Variants in PLCB4 observed in about 807,000 individuals in gnomAD.
The protein encoded by PLCB4 is 1-phosphatidylinositol 4,5-bisphosphate phosphodiesterase beta-4.
In PLCB4, 77 loss-of-function variants were observed where a neutral mutation model predicts 178.8. The ratio of observed to expected loss-of-function variants is 0.43; its 90% CI spans 0.36 to 0.52. The LOEUF (loss-of-function observed/expected upper bound fraction) is 0.52, where lower values mean the gene tolerates loss of function less well. PLCB4 is among the 20% of genes least tolerant of loss of function. The pLI is 0.00. For missense variants in PLCB4, 1,024 were observed against 1,453.4 expected (o/e 0.70, Z 4.80); for synonymous variants, 496 against 490.8 (o/e 1.01, Z -0.14).
At chr20:9,153,505 G>A (rs369278965) in intron 2 of PLCB4, among the ~76,000 whole-genome samples, 2 of 152,146 alleles carry the variant, frequency 1.3e-5, no homozygotes, top group Non-Finnish European at 2.9e-5. Flanking sequence ...TGCCATGTAA[G>A]AAGTGCCTTT....
chr20:9,287,195 A>T (rs923740402), intron 3 of PLCB4, among the ~76,000 whole-genome samples: 1 of 152,088 alleles, frequency 6.6e-6, no homozygotes, highest in South Asian at 2.1e-4. Flanking sequence ...TCTGGAATAT[A>T]TGAGTTAGAA....
At chr20:9,458,275 C>T (rs1350359990) in intron 34 of PLCB4, among the ~76,000 whole-genome samples, 3 of 152,166 alleles carry the variant, frequency 2.0e-5, no homozygotes, top group African/African-American at 7.2e-5. Flanking sequence ...TTTTGTAGGG[C>T]ATGAACTCTA....
intron 3 of PLCB4, among the ~76,000 whole-genome samples, chr20:9,293,758 T>A (rs1241071221): frequency 6.6e-6 from 1 of 152,114 alleles, no homozygotes. Flanking sequence ...GTTTACCAGG[T>A]AGGGTGGTGA....
intron 35 of PLCB4, among the ~76,000 whole-genome samples, chr20:9,465,356 C>T (rs1327127780): frequency 6.6e-6 from 1 of 152,168 alleles, no homozygotes; most frequent in Admixed American, 6.5e-5. Flanking sequence ...TGGAAGCATT[C>T]CCTCTGAAAA....
chr20:9,378,267 A>T (rs548075720), intron 12 of PLCB4, among the ~76,000 whole-genome samples: 1 of 152,298 alleles, frequency 6.6e-6, no homozygotes, highest in Admixed American at 6.5e-5. Context: ...TAAATTTAAA[A>T]AACTTAATTT....
intron 23 of PLCB4, 117 bp downstream of exon 23, chr20:9,408,834 T>C (rs1432468982): frequency 2.0e-5 from 14 of 708,078 alleles, no homozygotes; most frequent in African/African-American, 3.6e-5. Flanking sequence ...AAATGATATG[T>C]GGGAAAGACC....
intron 7 of PLCB4, among the ~76,000 whole-genome samples, chr20:9,353,678 C>T (rs1368841943): frequency 1.3e-5 from 2 of 152,178 alleles, no homozygotes; most frequent in Admixed American, 6.5e-5. Flanking sequence ...TTATAATTCC[C>T]AGGCCTCAGA....
intron 20 of PLCB4, among the ~76,000 whole-genome samples, chr20:9,404,565 A>T (rs892669942): frequency 6.7e-6 from 1 of 149,788 alleles, no homozygotes; most frequent in African/African-American, 2.5e-5. Context: ...AGATTGTGCC[A>T]CTGCACTCCA....
intron 3 of PLCB4, among the ~76,000 whole-genome samples, chr20:9,238,360 G>T (rs2094016857): frequency 6.6e-6 from 1 of 152,212 alleles, no homozygotes; most frequent in Admixed American, 6.5e-5. Context: ...GTCAGTGGGT[G>T]CAGGCTGCTG....
At chr20:9,441,079 C>T (rs1387596331) in intron 30 of PLCB4, among the ~76,000 whole-genome samples, 1 of 152,172 alleles carries the variant, frequency 6.6e-6, no homozygotes, top group African/African-American at 2.4e-5. Context: ...TCACTCAGCA[C>T]ATTCTTCTCA....
intron 3 of PLCB4, among the ~76,000 whole-genome samples, chr20:9,286,874 C>T (rs1475125238): frequency 6.6e-6 from 1 of 151,984 alleles, no homozygotes; most frequent in Non-Finnish European, 1.5e-5. Context: ...ACCAGAAAGG[C>T]TTCCATGGTC....
intron 32 of PLCB4, 56 bp from the exon 33 acceptor site, chr20:9,453,291 T>C (rs908151433): frequency 1.0e-5 from 10 of 991,896 alleles, no homozygotes; most frequent in Non-Finnish European, 1.4e-5. Flanking sequence ...GCCAGCCCTA[T>C]ATGGTGTGAG....
At chr20:9,310,250 A>G (rs2094815634) in intron 4 of PLCB4, among the ~76,000 whole-genome samples, 1 of 152,230 alleles carries the variant, frequency 6.6e-6, no homozygotes. Context: ...GCTGAAAGCC[A>G]GTGCGAGGAA....
intron 3 of PLCB4, among the ~76,000 whole-genome samples, chr20:9,244,148 C>A (rs767156332): frequency 3.3e-5 from 5 of 152,066 alleles, no homozygotes; most frequent in Non-Finnish European, 7.4e-5. Context: ...ATTCTGTGGT[C>A]GTATTGCTGC....
At position 9,108,899 on chromosome 20, in the gene PLCB4, AAGAGAGAG is replaced by A. The variant is rs34242182; in HGVS notation, c.-79+12577_-79+12584del. On this transcript the variant is annotated intron_variant, in intron 2 of 39. Coordinates refer to ENST00000378473, the MANE Select transcript of PLCB4 (RefSeq NM_001377142.1). Reference sequence around the variant, plus strand: ...TGAGAGAGAGAGGAAGAGAGAAAACAAGAGAGAGAGAGAGAGAGAGAGAGAGAAAGAGA... The same window carrying A: ...TGAGAGAGAGAGGAAGAGAGAAAACAAGAGAGAGAGAGAGAGAGAAAGAGA... Among the ~76,000 whole-genome samples the A allele has an allele frequency of 7.1e-3, 1,013 of 142,538 alleles. 14 individuals carry two copies. Among genetic ancestry groups the A allele is most frequent in the African/African-American group, 0.024 (911 of 38,272 alleles). The allele number at this position is 142,538 out of a possible 152,430, so 93.5% of individuals were successfully genotyped here.
rs528645216 is a variant in PLCB4, at chr20:9,323,738, G to C, written c.85-13388G>C. Among the ~76,000 whole-genome samples, 7 of 152,234 alleles carry C rather than the reference G, an allele frequency of 4.6e-5. No homozygotes were observed. The East Asian group carries it at 1.4e-3, about 30-fold the overall frequency. On this transcript the variant is annotated intron_variant, in intron 4 of 39. Coordinates refer to ENST00000378473, the MANE Select transcript of PLCB4 (RefSeq NM_001377142.1). ...GGACAGTTTTGCTGCAGGGGCTTCAGCACCCTCAAAATGTCCCTGCCCAGG... is the reference window on the plus strand; with the variant it reads ...GGACAGTTTTGCTGCAGGGGCTTCACCACCCTCAAAATGTCCCTGCCCAGG...
intron 2 of PLCB4, among the ~76,000 whole-genome samples, chr20:9,169,743 C>A (rs2093033445): frequency 6.6e-6 from 1 of 152,088 alleles, no homozygotes; most frequent in Non-Finnish European, 1.5e-5. Context: ...GTACTTTCCT[C>A]CACAACATTG....
At chr20:9,256,779 G>C (rs553901643) in intron 3 of PLCB4, among the ~76,000 whole-genome samples, 106 of 152,330 alleles carry the variant, frequency 7.0e-4, no homozygotes, top group African/African-American at 2.1e-3. Flanking sequence ...TGTAAATGTT[G>C]TATAATGTGC....
At chr20:9,421,664 A>C (rs1300513140) in intron 27 of PLCB4, among the ~76,000 whole-genome samples, 1 of 152,092 alleles carries the variant, frequency 6.6e-6, no homozygotes, top group Non-Finnish European at 1.5e-5. Flanking sequence ...TCCTCCTTGG[A>C]AGAGCCCATC....
Sources: gnomAD v4.1 joint callset for allele counts (sites outside exome capture counted in the v4.1 genomes callset) on GRCh38, gnomAD v4.1.1 for gene constraint, MANE v1.5 for transcripts, NCBI Gene and HGNC (gene_info 2026-07-23, HGNC 2026-07-21) for gene names.